Variants in ADAMTS16 observed in about 807,000 individuals in gnomAD.
The protein encoded by ADAMTS16 is ADAM metallopeptidase with thrombospondin type 1 motif 16, also known as A disintegrin and metalloproteinase with thrombospondin motifs 16.
In ADAMTS16, 94 loss-of-function variants were observed where a neutral mutation model predicts 145.8. The observed-to-expected ratio is 0.64, with a 90% CI of 0.55 to 0.77. The LOEUF (loss-of-function observed/expected upper bound fraction) is 0.77, where lower values mean the gene tolerates loss of function less well. Among genes scored for constraint, ADAMTS16 ranks in the 30% least tolerant of loss-of-function variants. ADAMTS16 has a pLI of 0.00. For missense variants in ADAMTS16, 1,585 were observed against 1,591.5 expected (o/e 1.00, Z 0.07); for synonymous variants, 659 against 604.3 (o/e 1.09, Z -1.33).
chr5:5,166,899 C>T (rs1480784896), intron 3 of ADAMTS16, among the ~76,000 whole-genome samples: 2 of 152,176 alleles, frequency 1.3e-5, no homozygotes, highest in Non-Finnish European at 2.9e-5. Flanking sequence ...CATCTCTTCC[C>T]TCCGCTGGGC....
chr5:5,241,954 G>A (rs1420071843), intron 16 of ADAMTS16, 99 bp from the exon 17 acceptor site: 28 of 1,373,834 alleles, frequency 2.0e-5, no homozygotes, highest in Non-Finnish European at 2.7e-5. Context: ...CAAACTTCTT[G>A]TTGATTGATT....
chr5:5,141,352 G>A (rs1214584704), intron 2 of ADAMTS16, among the ~76,000 whole-genome samples: 1 of 152,072 alleles, frequency 6.6e-6, no homozygotes, highest in Non-Finnish European at 1.5e-5. Flanking sequence ...TCATATCCTG[G>A]GCCACAATTT....
chr5:5,235,263 G>T (rs1737069149), intron 13 of ADAMTS16, 77 bp downstream of exon 13: 2 of 1,363,104 alleles, frequency 1.5e-6, no homozygotes, highest in East Asian at 5.1e-5. Flanking sequence ...ATGATTGAGA[G>T]TGTGGTGCAC....
At chr5:5,306,165 A>T (rs1740145606) in intron 20 of ADAMTS16, among the ~76,000 whole-genome samples, 4 of 152,182 alleles carry the variant, frequency 2.6e-5, no homozygotes, top group Admixed American at 2.6e-4. Flanking sequence ...GGTAGTTACC[A>T]CATGTACTTA....
Position 5,157,401 on chromosome 5 carries a change from G to C in ADAMTS16, c.501+10946G>C, listed in dbSNP as rs1734629090. On this transcript the variant is annotated intron_variant, in intron 3 of 22. Coordinates refer to ENST00000274181, the MANE Select transcript of ADAMTS16 (RefSeq NM_139056.4). ...TTTGTAGCAAAAATAAGCCTCTCTGGGATAAAACTTAAAAAAAAATCATAT... is the reference window on the plus strand; with the variant it reads ...TTTGTAGCAAAAATAAGCCTCTCTGCGATAAAACTTAAAAAAAAATCATAT... Among the ~76,000 whole-genome samples, 6 of 140,684 alleles carry C rather than the reference G, an allele frequency of 4.3e-5. No homozygotes were observed. In the South Asian group the frequency reaches 1.5e-3, roughly 36 times the overall value. 92.3% of individuals were successfully genotyped at this position (140,684 alleles called of 152,430 possible).
intron 20 of ADAMTS16, among the ~76,000 whole-genome samples, chr5:5,305,087 C>T (rs1441004420): frequency 3.0e-5 from 2 of 65,864 alleles, no homozygotes; most frequent in Admixed American, 2.7e-4. Context: ...ACACATCCCA[C>T]ACCACACACA....
chr5:5,311,024 A>T (rs1740405154), intron 21 of ADAMTS16, among the ~76,000 whole-genome samples: 1 of 152,146 alleles, frequency 6.6e-6, no homozygotes, highest in Non-Finnish European at 1.5e-5. Flanking sequence ...TTCTGCTGGC[A>T]ATTGGACTCC....
chr5:5,144,284 C>T (rs1238777346), intron 2 of ADAMTS16, among the ~76,000 whole-genome samples: 5 of 152,216 alleles, frequency 3.3e-5, no homozygotes, highest in Non-Finnish European at 5.9e-5. Context: ...ACTTATTGCC[C>T]TGTGTTCCTT....
At chr5:5,182,996 T>C (rs754802470) in intron 4 of ADAMTS16, among the ~76,000 whole-genome samples, 2 of 152,184 alleles carry the variant, frequency 1.3e-5, no homozygotes, top group Non-Finnish European at 2.9e-5. Flanking sequence ...TTGGTTTCTA[T>C]GACTGCTTCA....
chr5:5,214,709 T>C (rs1178736778), intron 10 of ADAMTS16, among the ~76,000 whole-genome samples: 1 of 152,230 alleles, frequency 6.6e-6, no homozygotes, highest in Non-Finnish European at 1.5e-5. Flanking sequence ...CAGCTTTGTA[T>C]TTTCTTTTAA....
chr5:5,296,270 G>C (rs541242973), intron 18 of ADAMTS16, among the ~76,000 whole-genome samples: 3 of 152,308 alleles, frequency 2.0e-5, no homozygotes, highest in East Asian at 3.9e-4. Flanking sequence ...CAGGAGGGCT[G>C]TGCAGGACCA....
chr5:5,239,623 G>A, intron 15 of ADAMTS16, 58 bp from the exon 16 acceptor site: 3 of 1,599,092 alleles, frequency 1.9e-6, no homozygotes, highest in Non-Finnish European at 2.6e-6. Flanking sequence ...GTTGCTTAGA[G>A]ATTTTGCCCC....
At chr5:5,196,829 T>A (rs1735819829) in intron 8 of ADAMTS16, among the ~76,000 whole-genome samples, 1 of 152,164 alleles carries the variant, frequency 6.6e-6, no homozygotes. Flanking sequence ...ATTTTATATA[T>A]AAAGAAACTG....
At chr5:5,287,061 C>A (rs1005881636) in intron 18 of ADAMTS16, among the ~76,000 whole-genome samples, 2 of 152,048 alleles carry the variant, frequency 1.3e-5, no homozygotes, top group African/African-American at 4.8e-5. Flanking sequence ...CAGGAGGTTA[C>A]ATAAATATTG....
At chr5:5,179,138 T>C (rs1039825108) in intron 3 of ADAMTS16, among the ~76,000 whole-genome samples, 1 of 149,618 alleles carries the variant, frequency 6.7e-6, no homozygotes, top group African/African-American at 2.5e-5. Flanking sequence ...GCTGTTCTTA[T>C]ATCTGCATCC....
chr5:5,246,504 T>C (rs1304472057), intron 17 of ADAMTS16, among the ~76,000 whole-genome samples: 1 of 152,228 alleles, frequency 6.6e-6, no homozygotes, highest in African/African-American at 2.4e-5. Flanking sequence ...TTTGCTGATA[T>C]CAAACCATCC....
At chr5:5,162,000 T>C (rs1032049399) in intron 3 of ADAMTS16, among the ~76,000 whole-genome samples, 1 of 152,248 alleles carries the variant, frequency 6.6e-6, no homozygotes, top group Non-Finnish European at 1.5e-5. Flanking sequence ...TCATCTTTAG[T>C]GTACCCCAGT....
At chr5:5,191,302 A>G (rs1398083600) in intron 7 of ADAMTS16, among the ~76,000 whole-genome samples, 1 of 152,166 alleles carries the variant, frequency 6.6e-6, no homozygotes, top group Admixed American at 6.5e-5. Flanking sequence ...CATTCTCTAC[A>G]GCACCTTTTC....
chr5:5,218,039 G>A (rs1445014663), intron 10 of ADAMTS16, among the ~76,000 whole-genome samples: 1 of 152,146 alleles, frequency 6.6e-6, no homozygotes, highest in Non-Finnish European at 1.5e-5. Context: ...CTAGAACCGT[G>A]ATTTAATAGG....
Sources: gnomAD v4.1 joint callset for allele counts (sites outside exome capture counted in the v4.1 genomes callset) on GRCh38, gnomAD v4.1.1 for gene constraint, MANE v1.5 for transcripts, NCBI Gene and HGNC (gene_info 2026-07-23, HGNC 2026-07-21) for gene names.